Variants in TRPS1 observed in about 807,000 individuals in gnomAD.
TRPS1 encodes zinc finger transcription factor Trps1.
In TRPS1, 6 loss-of-function variants were observed where a neutral mutation model predicts 101.2. That is an observed-to-expected ratio of 0.06 (90% CI 0.03 to 0.12). The LOEUF (loss-of-function observed/expected upper bound fraction) is 0.12, where lower values mean the gene tolerates loss of function less well. TRPS1 is among the 10% of genes least tolerant of loss of function. The pLI, the probability that TRPS1 is intolerant of heterozygous loss-of-function variation, is 1.00. For missense variants in TRPS1, 1,363 were observed against 1,567.0 expected, an observed-to-expected ratio of 0.87 and a Z score of 2.20; for synonymous variants, 578 against 589.8, an observed-to-expected ratio of 0.98 and a Z score of 0.29.
At chr8:115,544,237 A>G (rs1816520159) in intron 5 of TRPS1, among the ~76,000 whole-genome samples, 1 of 151,070 alleles carries the variant, frequency 6.6e-6, no homozygotes, top group Non-Finnish European at 1.5e-5. Context: ...CCAGCCAGCC[A>G]CTTGCCTTCT....
At chr8:115,519,198 C>T (rs1282810795) in intron 5 of TRPS1, among the ~76,000 whole-genome samples, 1 of 151,452 alleles carries the variant, frequency 6.6e-6, no homozygotes, top group African/African-American at 2.4e-5. Flanking sequence ...AAAAAGCAAA[C>T]ATGTCATTTA....
At chr8:115,602,519 T>G (rs1250311133) in intron 4 of TRPS1, among the ~76,000 whole-genome samples, 1 of 152,206 alleles carries the variant, frequency 6.6e-6, no homozygotes, top group East Asian at 1.9e-4. Context: ...AGTGTAAATC[T>G]CAAGTAAGTG....
intron 5 of TRPS1, among the ~76,000 whole-genome samples, chr8:115,498,407 CTCTCTCTCTATATATATA>C (rs1234598281): frequency 5.2e-4 from 44 of 85,092 alleles, no homozygotes; most frequent in African/African-American, 1.9e-3. Context: ...CTCTCTCTCT[CTCTCTCTCTATATATATA>C]TATATATATA....
At chr8:115,498,370 CCCGTCTCTCTCTCTCTCTCTCTCTCT>C (rs1815203603) in intron 5 of TRPS1, among the ~76,000 whole-genome samples, 1 of 48,856 alleles carries the variant, frequency 2.0e-5, no homozygotes, top group African/African-American at 5.6e-5. Context: ...AAAGAGAGAG[CCCGTCTCTCTCTCTCTCTCTCTCTCT>C]CTCTCTCTCT....
intron 5 of TRPS1, among the ~76,000 whole-genome samples, chr8:115,500,272 C>T (rs1210000676): frequency 6.6e-6 from 1 of 152,058 alleles, no homozygotes; most frequent in South Asian, 2.1e-4. Context: ...TTGTGATCTA[C>T]CCGCCTTGGC....
chr8:115,506,988 T>C (rs1351745), intron 5 of TRPS1, among the ~76,000 whole-genome samples: 1 of 151,846 alleles, frequency 6.6e-6, no homozygotes, highest in Non-Finnish European at 1.5e-5. Flanking sequence ...AAAAGAATGA[T>C]TTGGGTTAAA....
intron 6 of TRPS1, 90 bp from the exon 7 acceptor site, chr8:115,415,174 T>A: frequency 7.3e-7 from 1 of 1,364,642 alleles, no homozygotes; most frequent in African/African-American, 1.5e-5. Flanking sequence ...AAACCATGCT[T>A]AAGTTCAAAG....
intron 5 of TRPS1, among the ~76,000 whole-genome samples, chr8:115,448,657 G>C (rs1813795925): frequency 6.6e-6 from 1 of 152,084 alleles, no homozygotes; most frequent in Non-Finnish European, 1.5e-5. Flanking sequence ...AACTTTGAGA[G>C]GCTGGTCACT....
chr8:115,626,580 AAG>A (rs1036831990), intron 1 of TRPS1, among the ~76,000 whole-genome samples: 13 of 151,796 alleles, frequency 8.6e-5, no homozygotes, highest in African/African-American at 3.1e-4. Context: ...CAAATTTTTA[AAG>A]CTATTTTTGA....
intron 5 of TRPS1, among the ~76,000 whole-genome samples, chr8:115,510,292 G>T (rs1430263161): frequency 6.6e-6 from 1 of 151,886 alleles, no homozygotes; most frequent in Non-Finnish European, 1.5e-5. Context: ...TCCAGACTTG[G>T]CTGGTTATGG....
chr8:115,464,004 A>G (rs1434357508), intron 5 of TRPS1, among the ~76,000 whole-genome samples: 1 of 152,102 alleles, frequency 6.6e-6, no homozygotes, highest in East Asian at 1.9e-4. Context: ...CCCACTTTAA[A>G]TATTGAAATT....
chr8:115,414,284 A>G lies in TRPS1; in HGVS notation c.3624T>C (p.Gly1208=). The part of the protein sequence containing the change: ...TKAPPNVKNE[G]PLNVVKTEKV... ...TCTCTGTTTTTACTACATTCAAGGG[A>G]CCTTCATTTTTTACATTTGGTGGTG... Residue 1208 remains glycine (G), a synonymous_variant, in exon 7 of 7, where the codon GGT becomes GGC. Transcript: ENST00000395715. The surrounding 1 kb of genome is among the most constrained non-coding windows in gnomAD (Gnocchi z 4.8). The G allele has an allele frequency of 6.2e-7, 1 of 1,613,920 alleles. No individual in the cohort carries two copies. The highest frequency in any genetic ancestry group is 8.5e-7 in the Non-Finnish European group (1 of 1,179,940).
intron 5 of TRPS1, among the ~76,000 whole-genome samples, chr8:115,512,337 A>G (rs1349286688): frequency 1.3e-5 from 2 of 151,880 alleles, no homozygotes; most frequent in East Asian, 3.9e-4. Flanking sequence ...TTAAAAAAGA[A>G]AATTTGCGGA....
At chr8:115,592,548 G>T (rs916580503) in intron 4 of TRPS1, among the ~76,000 whole-genome samples, 3 of 152,074 alleles carry the variant, frequency 2.0e-5, no homozygotes, top group African/African-American at 7.2e-5. Context: ...AAGGCAATTT[G>T]CTATAAAGTG....
chr8:115,463,675 A>G (rs1469551610), intron 5 of TRPS1, among the ~76,000 whole-genome samples: 2 of 152,206 alleles, frequency 1.3e-5, no homozygotes, highest in Non-Finnish European at 2.9e-5. Context: ...CATTGATTTC[A>G]GCTCTCAAGT....
chr8:115,442,910 T>C (rs768888218), intron 5 of TRPS1, among the ~76,000 whole-genome samples: 6 of 150,484 alleles, frequency 4.0e-5, no homozygotes, highest in Non-Finnish European at 5.9e-5. Flanking sequence ...GCTAACACGG[T>C]GAAAACCCAT....
At chr8:115,470,997 C>T (rs1399151846) in intron 5 of TRPS1, among the ~76,000 whole-genome samples, 5 of 152,154 alleles carry the variant, frequency 3.3e-5, no homozygotes, top group African/African-American at 9.7e-5. Flanking sequence ...CTGTGATTAA[C>T]GCAAATATCA....
chr8:115,458,728 T>C (rs1447516036), intron 5 of TRPS1, among the ~76,000 whole-genome samples: 1 of 152,222 alleles, frequency 6.6e-6, no homozygotes, highest in Non-Finnish European at 1.5e-5. Context: ...AGAATCAGCA[T>C]GGCAGGCTAC....
At position 115,445,754 on chromosome 8, in the gene TRPS1, G is replaced by A. The variant is rs139669875; in HGVS notation, c.2701-27302C>T. ...ATGGCTTTAATAAAAGGCTAAAATC[G>A]CAGAAGGTGAGATAGAGTAGGCAAC... On this transcript the variant is annotated intron_variant, in intron 5 of 6. Transcript: ENST00000395715. Among the ~76,000 whole-genome samples the A allele has an allele frequency of 4.6e-5, 7 of 152,012 alleles. No homozygotes were observed. In the East Asian group the frequency reaches 7.7e-4, roughly 17 times the overall value.
Sources: gnomAD v4.1 joint callset for allele counts (sites outside exome capture counted in the v4.1 genomes callset) on GRCh38, gnomAD v4.1.1 for gene constraint, Gnocchi (gnomAD v3.1) non-coding constraint, MANE v1.5 for transcripts, NCBI Gene and HGNC (gene_info 2026-07-23, HGNC 2026-07-21) for gene names.